Variants in MAN1B1 observed in about 807,000 individuals in gnomAD.
The protein encoded by MAN1B1 is endoplasmic reticulum mannosyl-oligosaccharide 1,2-alpha-mannosidase.
In MAN1B1, 66 loss-of-function variants were observed where a neutral mutation model predicts 75.5. The observed-to-expected ratio is 0.87, with a 90% CI of 0.72 to 1.07. The LOEUF is 1.07. Ranked by LOEUF, MAN1B1 falls within the 50% of genes least tolerant of loss-of-function variation. The pLI, the probability that MAN1B1 is intolerant of heterozygous loss-of-function variation, is 0.00. For missense variants in MAN1B1, 973 were observed against 912.5 expected, an observed-to-expected ratio of 1.07 and a Z score of -0.85; for synonymous variants, 453 against 382.8, an observed-to-expected ratio of 1.18 and a Z score of -2.14.
At chr9:137,102,711 C>T (rs1272670214) in intron 8 of MAN1B1, 1 of 433,478 alleles carries the variant, frequency 2.3e-6, no homozygotes, top group African/African-American at 2.4e-5. Flanking sequence ...GGTGCTGTTA[C>T]ACACATTCAT....
chr9:137,101,569 C>G lies in MAN1B1; in HGVS notation c.1151C>G (p.Ala384Gly). The G allele has an allele frequency of 6.2e-7, 1 of 1,613,860 alleles. No homozygotes were observed. ...GATGTGAACATCGGTACTGGAGTTGCCCACCCGCCACGGTGGACCTCCGAC... is the reference window on the plus strand; with the variant it reads ...GATGTGAACATCGGTACTGGAGTTGGCCACCCGCCACGGTGGACCTCCGAC... ...YSDVNIGTGVAHPPRWTSDST... is the reference protein window; with the variant it reads ...YSDVNIGTGVGHPPRWTSDST... The change falls in exon 8 of 13, where the codon GCC becomes GGC. Residue 384 changes from alanine to glycine, a missense_variant. Ala to Gly is a moderately conservative substitution (Grantham distance 60, BLOSUM62 0). Transcript: ENST00000371589.
chr9:137,088,268 C>T (rs1485255969), intron 2 of MAN1B1, 85 bp downstream of exon 2: 2 of 1,612,942 alleles, frequency 1.2e-6, no homozygotes, highest in Admixed American at 3.3e-5. Context: ...CCTTAAACAG[C>T]TCCAGGAGGC....
chr9:137,089,373 G>A (rs913819817), intron 3 of MAN1B1: 7 of 349,478 alleles, frequency 2.0e-5, no homozygotes, highest in Non-Finnish European at 3.3e-5. Context: ...CGCTGGTGAA[G>A]AACAGTGGCT....
At chr9:137,106,382 G>GC in intron 9 of MAN1B1, 67 bp downstream of exon 9, 5 of 1,408,772 alleles carry the variant, frequency 3.5e-6, no homozygotes, top group Non-Finnish European at 4.8e-6. Context: ...CACTCCTGCT[G>GC]CCCCCAGCTC....
intron 7 of MAN1B1, 33 bp from the exon 8 acceptor site, chr9:137,101,451 G>C (rs879429520): frequency 6.3e-7 from 1 of 1,587,768 alleles, no homozygotes; most frequent in Non-Finnish European, 8.6e-7. Flanking sequence ...TGGGTGACCT[G>C]AACGTTGGTT....
At chr9:137,098,841 A>AC (rs1336035250) in intron 5 of MAN1B1, among the ~76,000 whole-genome samples, 1 of 151,954 alleles carries the variant, frequency 6.6e-6, no homozygotes, top group Non-Finnish European at 1.5e-5. Context: ...CCCCATCTCT[A>AC]CAAAAAAAAA....
In MAN1B1 at chr9:137,099,684, C is replaced by T. The variant is rs1191964013; in HGVS notation, c.731-12C>T. ...ACGTCCGCCATGGCCTGTGCTCTCT[C>T]CCCCCTACTAGTGCATCTGAACTAT... On this transcript the variant is annotated splice_polypyrimidine_tract_variant and intron_variant, in intron 5 of 12. Transcript: ENST00000371589. 6.2e-7 allele frequency: 1 copy of T among 1,613,210 alleles called. No individual in the cohort carries two copies. The highest frequency in any genetic ancestry group is 8.5e-7 in the Non-Finnish European group (1 of 1,179,500).
At position 137,104,709 on chromosome 9, in the gene MAN1B1, C is replaced by T. The variant is rs545850154; in HGVS notation, c.1255-1416C>T. The T allele has an allele frequency of 4.5e-4, 71 of 158,970 alleles. 1 individual carries two copies. Among genetic ancestry groups the T allele is most frequent in the Non-Finnish European group, 8.3e-4 (60 of 71,910 alleles). The allele number at this position is 158,970 out of a possible 1,614,324, so 9.8% of individuals were successfully genotyped here. ...TGTGCTGTTTTGGTTGCTGTAAGCG[C>T]GGGTGCACACGCCTGCCTGAGGCTG... On this transcript the variant is annotated intron_variant, in intron 8 of 12. Transcript: ENST00000371589.
chr9:137,092,459 T>G (rs1031121300), intron 3 of MAN1B1, among the ~76,000 whole-genome samples: 1 of 152,194 alleles, frequency 6.6e-6, no homozygotes, highest in Non-Finnish European at 1.5e-5. Flanking sequence ...AGGGGCTGGA[T>G]TGGTCCCTGT....
In MAN1B1 at chr9:137,101,651, C is replaced by G; in HGVS notation, c.1233C>G (p.Leu411=). Reference sequence around the variant, plus strand: ...TGGAGTTCCGGGAGCTCTCCCGTCTCACAGGGGATAAGAAGTTTCAGGTAA... The same window carrying G: ...TGGAGTTCCGGGAGCTCTCCCGTCTGACAGGGGATAAGAAGTTTCAGGTAA... ...IQLEFRELSR[L]TGDKKFQEAV... The change falls in exon 8 of 13, where the codon CTC becomes CTG. Residue 411 remains leucine, a synonymous_variant. Transcript: ENST00000371589. 1 of 1,612,844 alleles carries G rather than the reference C, an allele frequency of 6.2e-7. No homozygotes were observed. Among genetic ancestry groups the G allele is most frequent in the African/African-American group, 1.3e-5 (1 of 75,044 alleles).
Position 137,097,878 on chromosome 9 carries a change from G to A in MAN1B1, c.671G>A (p.Arg224Lys). Reference protein sequence around the residue: ...EPEQGTELPSRRAEVPTKPPL... With the variant: ...EPEQGTELPSKRAEVPTKPPL... ...GAGCAGGGCACCGAGCTCCCTTCAA[G>A]AAGAGCAGAAGTGCCCACCAAGCCT... The change falls in exon 5 of 13, where the codon AGA becomes AAA. Residue 224 changes from arginine to lysine, a missense_variant. Coordinates refer to ENST00000371589, the MANE Select transcript of MAN1B1 (RefSeq NM_016219.5). 1 of 1,560,686 alleles carries A rather than the reference G, an allele frequency of 6.4e-7. No homozygotes were observed. Among genetic ancestry groups the A allele is most frequent in the Non-Finnish European group, 8.7e-7 (1 of 1,152,998 alleles).
rs116529178 is a variant in MAN1B1, at chr9:137,089,187, T to C, written c.465+182T>C. The C allele has an allele frequency of 4.4e-3, 3,409 of 770,964 alleles. 29 individuals carry two copies. Among genetic ancestry groups the C allele is most frequent in the African/African-American group, 0.024 (1,396 of 58,042 alleles). 47.8% of individuals were successfully genotyped at this position (770,964 alleles called of 1,614,324 possible). ...GAGGCGTAGTCTTTGCTTCATTCTT[T>C]TTGAAGACCAGCCATGGCCAGTTCC... On this transcript the variant is annotated intron_variant, in intron 3 of 12. Transcript: ENST00000371589.
chr9:137,108,337 G>T (rs752410385), intron 12 of MAN1B1, 51 bp from the exon 13 acceptor site: 3 of 1,437,478 alleles, frequency 2.1e-6, no homozygotes, highest in African/African-American at 2.8e-5. Flanking sequence ...TGAGGCTGAG[G>T]GGGGTGCAGG....
At chr9:137,108,089 C>T (rs1022840566) in intron 12 of MAN1B1, 9 of 605,664 alleles carry the variant, frequency 1.5e-5, no homozygotes, top group Non-Finnish European at 2.6e-5. Context: ...GCCCCCGCTG[C>T]CTCCGCTCCC....
intron 10 of MAN1B1, 24 bp downstream of exon 10, chr9:137,106,833 C>A: frequency 6.2e-7 from 1 of 1,610,990 alleles, no homozygotes; most frequent in Non-Finnish European, 8.5e-7. Flanking sequence ...CGGGGCCTTC[C>A]GGCCGCCGCC....
chr9:137,101,069 C>T lies in MAN1B1; in HGVS notation c.981C>T (p.Asn327=), dbSNP rs1830794813. ...ACTTTGAAAAGGACGTGGACGTCAACCTGTTTGAGAGCACGATCCGCATCC... is the reference window on the plus strand; with the variant it reads ...ACTTTGAAAAGGACGTGGACGTCAATCTGTTTGAGAGCACGATCCGCATCC... The part of the protein sequence containing the change: ...KLHFEKDVDV[N]LFESTIRILG... The change falls in exon 7 of 13, where the codon AAC becomes AAT. Residue 327 remains asparagine, a synonymous_variant. Transcript: ENST00000371589. 1 of 1,614,020 alleles carries T rather than the reference C, an allele frequency of 6.2e-7. No homozygotes were observed. The highest frequency in any genetic ancestry group is 2.2e-5 in the East Asian group (1 of 44,902).
In MAN1B1 at chr9:137,109,067, G is replaced by T. The variant is rs1157597245; in HGVS notation, c.*476G>T. On this transcript the variant is annotated 3_prime_UTR_variant, in exon 13 of 13. Transcript: ENST00000371589. ...CTGGTGTTTACAAGCTGGACTCAGG[G>T]ATCCTCCTGGCCGCCCCGCAGGGGG... 2 of 455,144 alleles carry T rather than the reference G, an allele frequency of 4.4e-6. No individual in the cohort carries two copies. The highest frequency in any genetic ancestry group is 3.1e-5 in the South Asian group (2 of 64,388). The allele number at this position is 455,144 out of a possible 1,614,324, so 28.2% of individuals were successfully genotyped here.
chr9:137,094,191 T>A (rs1275538367), intron 3 of MAN1B1, among the ~76,000 whole-genome samples: 1 of 151,674 alleles, frequency 6.6e-6, no homozygotes, highest in African/African-American at 2.4e-5. Flanking sequence ...ACTTTTTGAT[T>A]TTTTGTAGAG....
At chr9:137,093,871 A>T (rs1400236132) in intron 3 of MAN1B1, among the ~76,000 whole-genome samples, 1 of 152,028 alleles carries the variant, frequency 6.6e-6, no homozygotes, top group Non-Finnish European at 1.5e-5. Context: ...CCCTAAATTC[A>T]TCTGTAAATC....
Sources: gnomAD v4.1 joint callset for allele counts (sites outside exome capture counted in the v4.1 genomes callset) on GRCh38, gnomAD v4.1.1 for gene constraint, MANE v1.5 for transcripts, NCBI Gene and HGNC (gene_info 2026-07-23, HGNC 2026-07-21) for gene names.